PLAC1: variants seen among roughly 807,000 people sequenced by gnomAD.
PLAC1 encodes placenta associated 1, also known as placenta-specific protein 1.
For synonymous variants in PLAC1, 68 were observed against 62.1 expected, an observed-to-expected ratio of 1.09 and a Z score of -0.44; for missense variants, 136 against 163.2, an observed-to-expected ratio of 0.83 and a Z score of 0.91.
intron 1 of PLAC1, among the ~76,000 whole-genome samples, chrX:134,610,166 C>T (rs752918941): frequency 2.2e-3 from 247 of 110,628 alleles, no homozygotes; most frequent in Non-Finnish European, 3.0e-3. Context: ...TTAGTAGAGA[C>T]GGGGTTTCAC....
At chrX:134,678,965 C>G (rs1026193936) in intron 2 of PLAC1, among the ~76,000 whole-genome samples, 5 of 111,409 alleles carry the variant, frequency 4.5e-5, no homozygotes, top group African/African-American at 1.6e-4. Context: ...GATGCAGCCA[C>G]AAGCCAAGGA....
At chrX:134,648,990 C>T (rs1007390687) in intron 1 of PLAC1, among the ~76,000 whole-genome samples, 4 of 111,541 alleles carry the variant, frequency 3.6e-5, no homozygotes, top group South Asian at 3.7e-4. Flanking sequence ...CAAAGCAGGC[C>T]GGGCGCAGTG....
chrX:134,758,612 C>A (rs1333466987), intron 1 of PLAC1, among the ~76,000 whole-genome samples: 1 of 111,750 alleles, frequency 8.9e-6, no homozygotes, highest in Admixed American at 9.5e-5. Flanking sequence ...TGAAATTGGA[C>A]CCCTATCTCT....
At chrX:134,571,369 A>T (rs1388880823) in intron 2 of PLAC1, among the ~76,000 whole-genome samples, 1 of 111,865 alleles carries the variant, frequency 8.9e-6, no homozygotes, top group Non-Finnish European at 1.9e-5. Context: ...CCATTGCCTT[A>T]CTTTAAGAAG....
At chrX:134,696,462 GAGAAAAAT>G (rs1400557719) in intron 2 of PLAC1, among the ~76,000 whole-genome samples, 1 of 111,906 alleles carries the variant, frequency 8.9e-6, no homozygotes, top group Non-Finnish European at 1.9e-5. Flanking sequence ...TACAGCCTCA[GAGAAAAAT>G]AGAAAACCAG....
intron 2 of PLAC1, among the ~76,000 whole-genome samples, chrX:134,568,618 C>T (rs991264411): frequency 2.7e-5 from 3 of 111,550 alleles, no homozygotes; most frequent in South Asian, 3.8e-4. Flanking sequence ...TCTGGGACAA[C>T]TTTTTTGGGT....
chrX:134,681,503 A>T (rs1228790947), intron 2 of PLAC1, among the ~76,000 whole-genome samples: 1 of 112,127 alleles, frequency 8.9e-6, no homozygotes, highest in Non-Finnish European at 1.9e-5. Flanking sequence ...ATTGAAGATA[A>T]CAACTATTTA....
intron 2 of PLAC1, among the ~76,000 whole-genome samples, chrX:134,693,653 G>A (rs182971041): frequency 9.0e-6 from 1 of 111,464 alleles, no homozygotes; most frequent in Non-Finnish European, 1.9e-5. Context: ...ATTCTTATAT[G>A]AGTTGGCTGA....
intron 2 of PLAC1, among the ~76,000 whole-genome samples, chrX:134,717,435 T>C (rs1248474589): frequency 3.6e-5 from 4 of 111,379 alleles, no homozygotes; most frequent in African/African-American, 3.3e-5. Flanking sequence ...AATTTTTGTC[T>C]TTTCAGTAGA....
chrX:134,738,246 C>A lies in PLAC1; in HGVS notation n.90-4727G>T, dbSNP rs1458440864. Among the ~76,000 whole-genome samples, 6 of 111,865 alleles carry A rather than the reference C, an allele frequency of 5.4e-5. No homozygotes were observed. The East Asian group carries it at 1.7e-3, about 31-fold the overall frequency. On this transcript the variant is annotated intron_variant and non_coding_transcript_variant, in intron 1 of 2. Coordinates refer to the PLAC1 transcript ENST00000466797. ...CGTGTTAACAGCGATGTCTGCAAGCCCTTAGCAGAAGCACTGGAGCTCTGG... is the reference window on the plus strand; with the variant it reads ...CGTGTTAACAGCGATGTCTGCAAGCACTTAGCAGAAGCACTGGAGCTCTGG...
At chrX:134,567,074 T>C (rs1403909890) in intron 2 of PLAC1, among the ~76,000 whole-genome samples, 1 of 112,443 alleles carries the variant, frequency 8.9e-6, no homozygotes, top group Non-Finnish European at 1.9e-5. Context: ...AAACGTTGAA[T>C]AAAGAGATAG....
Position 134,682,661 on chromosome X carries a change from T to G in PLAC1, n.174+50774A>C, listed in dbSNP as rs920061451. On this transcript the variant is annotated intron_variant and non_coding_transcript_variant, in intron 2 of 2. Transcript: ENST00000466797. ...CCCTCCGCCTCCTGAGTTCAAGTGA[T>G]TCTCCTGTCTCAGCCTCCTTAGTAG... 1.4e-4 allele frequency among the ~76,000 whole-genome samples: 16 copies of G among 110,879 alleles called. 1 individual carries two copies. In the Admixed American group the frequency reaches 1.5e-3, roughly 11 times the overall value.
At chrX:134,752,551 A>G (rs931182947) in intron 1 of PLAC1, among the ~76,000 whole-genome samples, 4 of 111,588 alleles carry the variant, frequency 3.6e-5, no homozygotes, top group African/African-American at 1.3e-4. Context: ...TTTTCTTTCA[A>G]CAGACACATT....
rs188671437 is a variant in PLAC1, at chrX:134,593,217, A to C, written c.-59+8834T>G. Among the ~76,000 whole-genome samples the C allele has an allele frequency of 4.3e-3, 477 of 111,941 alleles. 1 individual carries two copies. Among genetic ancestry groups the C allele is most frequent in the Non-Finnish European group, 7.1e-3 (376 of 53,170 alleles). On this transcript the variant is annotated intron_variant, in intron 2 of 2. Coordinates refer to ENST00000359237, the MANE Select transcript of PLAC1 (RefSeq NM_021796.4). ...TTGTGTGTGTATCTTTTAAAAAGTC[A>C]GTTGGCCATATTTATATGGGACTAT...
chrX:134,757,801 T>C (rs995858131), intron 1 of PLAC1, among the ~76,000 whole-genome samples: 2 of 111,361 alleles, frequency 1.8e-5, no homozygotes, highest in African/African-American at 6.5e-5. Flanking sequence ...TATATGTATG[T>C]TCTATGTAGT....
intron 2 of PLAC1, among the ~76,000 whole-genome samples, chrX:134,729,436 T>C (rs2078682446): frequency 8.9e-6 from 1 of 112,120 alleles, no homozygotes; most frequent in Admixed American, 9.4e-5. Context: ...GAGTAACTTA[T>C]GAAAAGTGCC....
At chrX:134,620,761 A>C (rs768375017) in intron 1 of PLAC1, among the ~76,000 whole-genome samples, 85 of 112,421 alleles carry the variant, frequency 7.6e-4, no homozygotes, top group Admixed American at 8.5e-4. Flanking sequence ...ATGAGAACTC[A>C]TAACCATTAT....
At chrX:134,762,515 G>A (rs1236741771) in intron 1 of PLAC1, among the ~76,000 whole-genome samples, 1 of 110,750 alleles carries the variant, frequency 9.0e-6, no homozygotes, top group African/African-American at 3.3e-5. Context: ...AAATATGTTC[G>A]CCTATGTATA....
chrX:134,676,714 T>C (rs2078476567), intron 2 of PLAC1, among the ~76,000 whole-genome samples: 1 of 112,235 alleles, frequency 8.9e-6, no homozygotes, highest in African/African-American at 3.2e-5. Flanking sequence ...TGATTGTGGC[T>C]TTAATCAGGT....
Sources: gnomAD v4.1 joint callset for allele counts (sites outside exome capture counted in the v4.1 genomes callset) on GRCh38, gnomAD v4.1.1 for gene constraint, MANE v1.5 for transcripts, NCBI Gene and HGNC (gene_info 2026-07-23, HGNC 2026-07-21) for gene names.